The following RPL3L variants were observed in gnomAD, a reference collection of about 807,000 sequenced individuals.
RPL3L encodes the protein ribosomal protein uL3-like.
A neutral mutation model predicts 44.5 loss-of-function variants in RPL3L; 44 were observed. The ratio of observed to expected loss-of-function variants is 0.99; its 90% CI spans 0.78 to 1.27. RPL3L has a LOEUF of 1.27. RPL3L is among the 50% of genes most tolerant of loss of function. The pLI is 0.00. For missense variants in RPL3L, 631 were observed against 569.1 expected (o/e 1.11, Z -1.11); for synonymous variants, 292 against 230.7 (o/e 1.27, Z -2.41).
At chr16:1,953,886 T>G in intron 2 of RPL3L, 70 bp downstream of exon 2, 8 of 1,381,348 alleles carry the variant, frequency 5.8e-6, no homozygotes, top group Non-Finnish European at 7.6e-6. Flanking sequence ...ACCAAAAGCG[T>G]GAGTTCTGGC....
chr16:1,954,242 G>A, intron 1 of RPL3L, 94 bp from the exon 2 acceptor site: 14 of 1,292,224 alleles, frequency 1.1e-5, no homozygotes, highest in Non-Finnish European at 1.5e-5. Flanking sequence ...ATGGACTACA[G>A]GCTTCAGACT....
intron 4 of RPL3L, among the ~76,000 whole-genome samples, chr16:1,948,467 C>T (rs2083142361): frequency 6.6e-6 from 1 of 152,088 alleles, no homozygotes; most frequent in African/African-American, 2.4e-5. Context: ...TCAAGCGATC[C>T]ACCCACCTTG....
chr16:1,951,585 T>G (rs1053614412), intron 3 of RPL3L, among the ~76,000 whole-genome samples: 7 of 152,038 alleles, frequency 4.6e-5, no homozygotes, highest in Non-Finnish European at 1.5e-5. Flanking sequence ...TTTCGTCATG[T>G]TGCCCAGGCT....
chr16:1,950,603 C>T (rs533238803), intron 4 of RPL3L, among the ~76,000 whole-genome samples: 61 of 152,274 alleles, frequency 4.0e-4, no homozygotes, highest in African/African-American at 1.3e-3. Flanking sequence ...CTCTTCAGGG[C>T]GTGCCAGGGT....
At position 1,946,611 on chromosome 16, in the gene RPL3L, C is replaced by A. The variant is rs117421680; in HGVS notation, c.951+14G>T. ...GGTGTGATGGGCCTGGCAGTCGCCC[C>A]CTCCCAGCCTCACCAGCGGTGTGAT... is the stretch of plus-strand genomic sequence containing the variant. On this transcript the variant is annotated intron_variant, in intron 7 of 9. Transcript: ENST00000268661. 0.026 allele frequency: 42,416 copies of A among 1,609,084 alleles called. 763 individuals carry two copies. The highest frequency in any genetic ancestry group is 0.079 in the East Asian group (3,523 of 44,754).
At chr16:1,946,495 G>T in intron 7 of RPL3L, 130 bp downstream of exon 7, 1 of 942,634 alleles carries the variant, frequency 1.1e-6, no homozygotes, top group Non-Finnish European at 1.6e-6. Flanking sequence ...GAGCCCTTGG[G>T]GCAGGGAGCG....
chr16:1,946,546 G>GC (rs1435007021), intron 7 of RPL3L, 79 bp downstream of exon 7: 9 of 1,445,434 alleles, frequency 6.2e-6, no homozygotes, highest in South Asian at 1.2e-5. Context: ...TGTATACCAG[G>GC]CCCCCCGGCC....
At chr16:1,946,591 G>A in intron 7 of RPL3L, 34 bp downstream of exon 7, 1 of 1,600,004 alleles carries the variant, frequency 6.2e-7, no homozygotes, top group South Asian at 1.1e-5. Flanking sequence ...TCAGCGGTGT[G>A]ATGGGCCTGG....
chr16:1,947,387 G>C lies in RPL3L; in HGVS notation c.502-7C>G. Reference sequence around the variant, plus strand: ...GGAAGGGCAGCAGTTTCATCTGCAGGACATGGCCGGAGGTCACGCCACGGC... The same window carrying C: ...GGAAGGGCAGCAGTTTCATCTGCAGCACATGGCCGGAGGTCACGCCACGGC... On this transcript the variant is annotated splice_region_variant and splice_polypyrimidine_tract_variant and intron_variant, in intron 4 of 9. Coordinates refer to ENST00000268661, the MANE Select transcript of RPL3L (RefSeq NM_005061.3). The C allele has an allele frequency of 2.6e-6, 4 of 1,566,396 alleles. No homozygotes were observed. Among genetic ancestry groups the C allele is most frequent in the Non-Finnish European group, 3.5e-6 (4 of 1,157,902 alleles).
rs140373999 is a variant in RPL3L, at chr16:1,947,009, C to T, written c.778G>A (p.Ala260Thr). The T allele has an allele frequency of 1.4e-4, 227 of 1,611,942 alleles. No individual in the cohort carries two copies. Among genetic ancestry groups the T allele is most frequent in the Middle Eastern group, 1.7e-4 (1 of 5,810 alleles). ...KVACIGAWHP[A>T]RVGCSIARAG... is the part of the protein sequence containing the mutation. ...CGAGCAATGGAGCAGCCCACGCGGG[C>T]GGGGTGCCAGGCGCCAATGCAGGCC... Residue 260 changes from alanine to threonine, a missense_variant, in exon 6 of 10, where the codon GCC becomes ACC. Transcript: ENST00000268661.
chr16:1,952,917 C>T lies in RPL3L; in HGVS notation c.322G>A (p.Glu108Lys), dbSNP rs761735308. ...CGCCGGCACTCATCACTGAGGTGTT[C>T]TGCAAAGATGGTCTTGAAGCTCCGG... ...GLRSFKTIFA[E>K]HLSDECRRRF... The change falls in exon 3 of 10, where the codon GAA (glutamate) becomes AAA (lysine). Residue 108 changes from glutamate (E) to lysine (K), a missense_variant. By Grantham distance (56) the Glu-to-Lys change is moderately conservative. Coordinates refer to ENST00000268661, the MANE Select transcript of RPL3L (RefSeq NM_005061.3). The T allele has an allele frequency of 2.5e-6, 4 of 1,613,912 alleles. No homozygotes were observed. The East Asian group carries it at 8.9e-5, about 36-fold the overall frequency.
At position 1,950,943 on chromosome 16, in the gene RPL3L, G is replaced by A; in HGVS notation, c.402C>T (p.Cys134=). ...KSKKKAFTKA[C]KRWRDTDGKK... ...TCCCGTCTGTGTCCCGCCACCTCTT[G>A]CAGGCCTTGGTGAAGGCTTTCTTCT... The change falls in exon 4 of 10, where the codon TGC becomes TGT. Residue 134 remains cysteine, a synonymous_variant. Coordinates refer to ENST00000268661, the MANE Select transcript of RPL3L (RefSeq NM_005061.3). 6 of 1,613,992 alleles carry A rather than the reference G, an allele frequency of 3.7e-6. No individual in the cohort carries two copies. Among genetic ancestry groups the A allele is most frequent in the Non-Finnish European group, 5.1e-6 (6 of 1,179,960 alleles).
chr16:1,952,048 A>G (rs1320421078), intron 3 of RPL3L, among the ~76,000 whole-genome samples: 1 of 152,032 alleles, frequency 6.6e-6, no homozygotes. Flanking sequence ...TCCCAGGCTC[A>G]AGCGATTCTC....
chr16:1,954,270 C>T (rs989131962), intron 1 of RPL3L, 122 bp from the exon 2 acceptor site: 4 of 1,085,254 alleles, frequency 3.7e-6, no homozygotes, highest in African/African-American at 1.6e-5. Context: ...GTGCTCAGCA[C>T]CTCCCCTGTC....
At chr16:1,949,947 G>A (rs1385301905) in intron 4 of RPL3L, among the ~76,000 whole-genome samples, 1 of 124,164 alleles carries the variant, frequency 8.1e-6, no homozygotes, top group African/African-American at 3.2e-5. Flanking sequence ...GTATGTAAGG[G>A]GCAGGTATGT....
At chr16:1,948,432 C>G (rs892364941) in intron 4 of RPL3L, among the ~76,000 whole-genome samples, 1 of 151,946 alleles carries the variant, frequency 6.6e-6, no homozygotes, top group South Asian at 2.1e-4. Context: ...CCCATGTTGG[C>G]CAGGCTGGTT....
chr16:1,945,379 AAG>A, intron 9 of RPL3L, 118 bp downstream of exon 9: 1 of 1,014,164 alleles, frequency 9.9e-7, no homozygotes, highest in South Asian at 2.0e-5. Context: ...ATAAAAAAAA[AAG>A]AGTCTCTCCT....
At chr16:1,946,051 C>G in intron 7 of RPL3L, 121 bp from the exon 8 acceptor site, 1 of 772,328 alleles carries the variant, frequency 1.3e-6, no homozygotes, top group Admixed American at 2.6e-5. Flanking sequence ...TGCCCAGCCC[C>G]CAGATGTAGG....
At chr16:1,951,726 C>CATCATTATT (rs758754094) in intron 3 of RPL3L, among the ~76,000 whole-genome samples, 5 of 138,036 alleles carry the variant, frequency 3.6e-5, no homozygotes, top group Admixed American at 7.5e-5. Flanking sequence ...GGGAGGTGGA[C>CATCATTATT]ATTATTATTA....
Sources: allele counts gnomAD v4.1 joint callset (sites outside exome capture counted in the v4.1 genomes callset), GRCh38; gene constraint gnomAD v4.1.1; transcripts MANE v1.5; gene names NCBI Gene and HGNC (gene_info 2026-07-23, HGNC 2026-07-21).